PRKN: variants seen among roughly 807,000 people sequenced by gnomAD.
PRKN encodes E3 ubiquitin-protein ligase parkin.
PRKN carries 56 observed loss-of-function variants against 59.5 expected under a neutral mutation model. That is an observed-to-expected ratio of 0.94 (90% CI 0.76 to 1.18). PRKN has a LOEUF of 1.18. Among genes scored for constraint, PRKN ranks in the 50% most tolerant of loss-of-function variants. The probability of loss-of-function intolerance (pLI) is 0.00; values close to 1 mark genes in which losing one functional copy is unlikely to be tolerated. For synonymous variants in PRKN, 250 were observed against 222.1 expected, an observed-to-expected ratio of 1.13 and a Z score of -1.12; for missense variants, 657 against 596.4, an observed-to-expected ratio of 1.10 and a Z score of -1.06.
chr6:162,022,396 CAT>C (rs968165575), intron 5 of PRKN, among the ~76,000 whole-genome samples: 2 of 152,132 alleles, frequency 1.3e-5, no homozygotes, highest in African/African-American at 4.8e-5. Context: ...GCTGGTATCT[CAT>C]GTGGTTTTCA....
chr6:162,219,895 C>T (rs966389657), intron 3 of PRKN, among the ~76,000 whole-genome samples: 1 of 152,114 alleles, frequency 6.6e-6, no homozygotes, highest in Non-Finnish European at 1.5e-5. Context: ...AGGATTGGCT[C>T]CAAGACCTCC....
At chr6:161,984,292 C>G (rs957564785) in intron 5 of PRKN, among the ~76,000 whole-genome samples, 1 of 152,166 alleles carries the variant, frequency 6.6e-6, no homozygotes, top group Non-Finnish European at 1.5e-5. Flanking sequence ...GAGTCTCATT[C>G]TGTTGCCCAG....
At chr6:161,805,573 A>C (rs555342689) in intron 6 of PRKN, among the ~76,000 whole-genome samples, 1 of 152,078 alleles carries the variant, frequency 6.6e-6, no homozygotes, top group South Asian at 2.1e-4. Flanking sequence ...CTGTTGCTCT[A>C]GTGAGTCTCT....
At chr6:162,461,331 A>T in intron 1 of PRKN, among the ~76,000 whole-genome samples, 1 of 150,486 alleles carries the variant, frequency 6.6e-6, no homozygotes, top group East Asian at 2.0e-4. Context: ...GCAAAACCCC[A>T]TCTCTACTAA....
At chr6:161,901,830 G>A (rs1018887780) in intron 6 of PRKN, among the ~76,000 whole-genome samples, 34 of 152,140 alleles carry the variant, frequency 2.2e-4, no homozygotes, top group Non-Finnish European at 4.6e-4. Flanking sequence ...TGTCCAGGAG[G>A]TAACTGGAGA....
chr6:162,250,391 G>A (rs1481454305), intron 3 of PRKN, among the ~76,000 whole-genome samples: 2 of 152,082 alleles, frequency 1.3e-5, no homozygotes, highest in Non-Finnish European at 2.9e-5. Flanking sequence ...CAAAGTCAAT[G>A]GTTTAATATC....
intron 2 of PRKN, among the ~76,000 whole-genome samples, chr6:162,399,092 G>C (rs1254186744): frequency 1.3e-5 from 2 of 152,114 alleles, no homozygotes; most frequent in African/African-American, 4.8e-5. Flanking sequence ...CGGAAAAACA[G>C]CATTTTCTCT....
rs986125972 is a variant in PRKN at position 161,488,930 on chromosome 6, T to G, written c.1083+59924A>C. On this transcript the variant is annotated intron_variant, in intron 9 of 11. Transcript: ENST00000366898. This position sits in a 1 kb window ranked among gnomAD's most constrained non-coding sequence, Gnocchi z 4.5. ...CAATGGAAAATAGAACACAGACCCT[T>G]GGAGATGAAGAGGTCACGATTTACC... Among the ~76,000 whole-genome samples the G allele has an allele frequency of 2.6e-5, 4 of 152,136 alleles. No individual in the cohort carries two copies. The highest frequency in any genetic ancestry group is 9.7e-5 in the African/African-American group (4 of 41,432).
chr6:162,293,337 T>C (rs1452435182), intron 2 of PRKN, among the ~76,000 whole-genome samples: 2 of 152,196 alleles, frequency 1.3e-5, no homozygotes, highest in South Asian at 2.1e-4. Context: ...GCCCAAGTTT[T>C]AATTTATAAG....
chr6:162,467,691 CTACTT>C (rs1232197156), intron 1 of PRKN, among the ~76,000 whole-genome samples: 1 of 152,100 alleles, frequency 6.6e-6, no homozygotes, highest in Non-Finnish European at 1.5e-5. Flanking sequence ...ACGTCACTTC[CTACTT>C]TAAAGGCCTC....
chr6:161,720,956 T>C (rs115868156), intron 7 of PRKN, among the ~76,000 whole-genome samples: 1 of 152,212 alleles, frequency 6.6e-6, no homozygotes. Context: ...GCAGACAGAC[T>C]GTTTTTAATT....
intron 1 of PRKN, among the ~76,000 whole-genome samples, chr6:162,587,475 C>T (rs1781110748): frequency 6.6e-6 from 1 of 152,112 alleles, no homozygotes; most frequent in African/African-American, 2.4e-5. Context: ...ACAGTTGTCA[C>T]TGACATAAAG....
intron 7 of PRKN, among the ~76,000 whole-genome samples, chr6:161,647,762 T>C (rs1330059581): frequency 5.9e-5 from 9 of 152,242 alleles, no homozygotes; most frequent in Admixed American, 5.9e-4. Context: ...ATTGAGTTTC[T>C]TCAGTGTTAA....
intron 7 of PRKN, among the ~76,000 whole-genome samples, chr6:161,682,213 C>G (rs1379732194): frequency 6.6e-6 from 1 of 152,172 alleles, no homozygotes; most frequent in Non-Finnish European, 1.5e-5. Flanking sequence ...GTGGAGCAAC[C>G]ACTTGGGAAC....
rs1562353353 is a variant in PRKN, at chr6:161,873,955, T to TATAAAATA, written c.735-88048_735-88047insTATTTTAT. ...ATAATATATATAAAAGAAATATATATTATATGTAAAATATAATATATAAAA... is the reference window on the plus strand; with the variant it reads ...ATAATATATATAAAAGAAATATATATATAAAATATATATGTAAAATATAATATATAAAA... On this transcript the variant is annotated intron_variant, in intron 6 of 11. Coordinates refer to ENST00000366898, the MANE Select transcript of PRKN (RefSeq NM_004562.3). Among the ~76,000 whole-genome samples the TATAAAATA allele has an allele frequency of 2.8e-4, 28 of 98,286 alleles. 5 individuals are homozygous for TATAAAATA. The highest frequency in any genetic ancestry group is 1.4e-3 in the African/African-American group (28 of 20,460). The allele number at this position is 98,286 out of a possible 152,430, so 64.5% of individuals were successfully genotyped here.
chr6:162,468,416 G>T (rs1397989194), intron 1 of PRKN, among the ~76,000 whole-genome samples: 1 of 152,240 alleles, frequency 6.6e-6, no homozygotes, highest in African/African-American at 2.4e-5. Flanking sequence ...CATTTACTCA[G>T]TGTCTGTCCA....
At chr6:162,239,781 G>A (rs1251343071) in intron 3 of PRKN, among the ~76,000 whole-genome samples, 1 of 151,862 alleles carries the variant, frequency 6.6e-6, no homozygotes. Context: ...TGAAACGGGT[G>A]TTCTCATGGC....
chr6:162,135,657 T>C (rs1294410864), intron 4 of PRKN, among the ~76,000 whole-genome samples: 1 of 151,948 alleles, frequency 6.6e-6, no homozygotes, highest in Non-Finnish European at 1.5e-5. Context: ...TCAGTGACAG[T>C]GTGTGTAGCT....
chr6:161,410,338 G>A lies in PRKN; in HGVS notation c.1084-23461C>T, dbSNP rs935386550. On this transcript the variant is annotated intron_variant, in intron 9 of 11. Coordinates refer to ENST00000366898, the MANE Select transcript of PRKN (RefSeq NM_004562.3). This position sits in a 1 kb window ranked among gnomAD's most constrained non-coding sequence, Gnocchi z 5.3. ...TGATGTGAGCGCCATGCTGAGCCCC[G>A]CTCATACCCACTGGGCCCAGCTCTT... 4.6e-5 allele frequency among the ~76,000 whole-genome samples: 7 copies of A among 152,148 alleles called. No individual in the cohort carries two copies. The highest frequency in any genetic ancestry group is 4.1e-4 in the South Asian group (2 of 4,832).
Sources: gnomAD v4.1 joint callset for allele counts (sites outside exome capture counted in the v4.1 genomes callset) on GRCh38, gnomAD v4.1.1 for gene constraint, Gnocchi (gnomAD v3.1) non-coding constraint, MANE v1.5 for transcripts, NCBI Gene and HGNC (gene_info 2026-07-23, HGNC 2026-07-21) for gene names.